CIPC: variants seen among roughly 807,000 people sequenced by gnomAD.
CIPC encodes the protein CLOCK-interacting pacemaker.
In CIPC, 12 loss-of-function variants were observed where a neutral mutation model predicts 26.7. The ratio of observed to expected loss-of-function variants is 0.45; its 90% CI spans 0.29 to 0.73. CIPC has a LOEUF of 0.73. CIPC is among the 30% of genes least tolerant of loss of function. The pLI, the probability that CIPC is intolerant of heterozygous loss-of-function variation, is 0.12. For missense variants in CIPC, 417 were observed against 486.5 expected (o/e 0.86, Z 1.34); for synonymous variants, 170 against 189.8 (o/e 0.90, Z 0.86).
chr14:77,113,518 G>C lies in CIPC; in HGVS notation c.400G>C (p.Val134Leu). Reference protein sequence around the residue: ...QPQLLFLHPPVPSPVSPCHTG... With the variant: ...QPQLLFLHPPLPSPVSPCHTG... Reference sequence around the variant, plus strand: ...ACAGCTCTTATTCCTTCATCCACCTGTACCATCTCCTGTCAGTCCATGTCA... The same window carrying C: ...ACAGCTCTTATTCCTTCATCCACCTCTACCATCTCCTGTCAGTCCATGTCA... Residue 134 changes from valine to leucine, a missense_variant, in exon 4 of 4, where the codon GTA (valine) becomes CTA (leucine). Physicochemically the swap from Val to Leu is conservative, Grantham distance 32 (BLOSUM62 1). Coordinates refer to ENST00000361786, the MANE Select transcript of CIPC (RefSeq NM_033426.3). The C allele has an allele frequency of 6.2e-7, 1 of 1,614,070 alleles. No homozygotes were observed. Among genetic ancestry groups the C allele is most frequent in the Non-Finnish European group, 8.5e-7 (1 of 1,179,998 alleles).
chr14:77,101,189 C>T (rs1886477293), intron 1 of CIPC, among the ~76,000 whole-genome samples: 1 of 152,104 alleles, frequency 6.6e-6, no homozygotes, highest in Admixed American at 6.6e-5. Flanking sequence ...AAGCAACTTC[C>T]CGAGGTTTTC....
At chr14:77,106,730 A>G (rs1220367732) in intron 2 of CIPC, among the ~76,000 whole-genome samples, 1 of 152,098 alleles carries the variant, frequency 6.6e-6, no homozygotes, top group African/African-American at 2.4e-5. Flanking sequence ...GAAAACTAGA[A>G]CTCTCTTGTC....
At chr14:77,107,658 A>ACACACACACACT (rs1287077545) in intron 2 of CIPC, among the ~76,000 whole-genome samples, 2 of 145,156 alleles carry the variant, frequency 1.4e-5, no homozygotes, top group African/African-American at 5.4e-5. Flanking sequence ...ACACACACAC[A>ACACACACACACT]CTCTCTCTCT....
At position 77,117,231 on chromosome 14, in the gene CIPC, T is replaced by C. The variant is rs1051062168; in HGVS notation, c.*2913T>C. The stretch of plus-strand genomic sequence containing the variant: ...ATTCTTTTGAGAAAGTATGAAGTTT[T>C]GCAGAAATTGACTGTGAAATGTCAG... On this transcript the variant is annotated 3_prime_UTR_variant, in exon 4 of 4. Coordinates refer to ENST00000361786, the MANE Select transcript of CIPC (RefSeq NM_033426.3). 1 of 152,620 alleles carries C rather than the reference T, an allele frequency of 6.6e-6. No homozygotes were observed. Among genetic ancestry groups the C allele is most frequent in the African/African-American group, 2.4e-5 (1 of 41,410 alleles). The allele number at this position is 152,620 out of a possible 1,614,324, so 9.5% of individuals were successfully genotyped here. A position where few individuals can be genotyped will look rare whatever the true frequency, so the allele number is the denominator to read the frequency against.
chr14:77,105,918 T>C, intron 2 of CIPC, 74 bp downstream of exon 2: 1 of 1,559,752 alleles, frequency 6.4e-7, no homozygotes, highest in Non-Finnish European at 8.8e-7. Context: ...CCAAAACTCA[T>C]TTATGTGATA....
chr14:77,116,695 A>G lies in CIPC; in HGVS notation c.*2377A>G, dbSNP rs1292514439. On this transcript the variant is annotated 3_prime_UTR_variant, in exon 4 of 4. Transcript: ENST00000361786. ...GTCTCTCCAGGCTATTACCATGGGC[A>G]TTTGTTCTCTGTTGGAGCTGTAAGC... 6.6e-6 allele frequency: 1 copy of G among 152,216 alleles called. No homozygotes were observed. The highest frequency in any genetic ancestry group is 1.9e-4 in the East Asian group (1 of 5,198). 9.4% of individuals were successfully genotyped at this position (152,216 alleles called of 1,614,324 possible).
At chr14:77,111,472 G>T (rs1210964684) in intron 3 of CIPC, among the ~76,000 whole-genome samples, 4 of 152,172 alleles carry the variant, frequency 2.6e-5, no homozygotes, top group African/African-American at 9.7e-5. Context: ...TTAAAACTCT[G>T]CATGTTGTGT....
intron 1 of CIPC, 102 bp downstream of exon 1, chr14:77,098,463 G>A (rs1027848271): frequency 7.8e-5 from 12 of 153,842 alleles, no homozygotes; most frequent in African/African-American, 2.9e-4. Flanking sequence ...GTAGGGGAGA[G>A]AGGAAGAGGA....
chr14:77,108,088 T>C (rs780185214), intron 2 of CIPC, among the ~76,000 whole-genome samples: 1 of 152,188 alleles, frequency 6.6e-6, no homozygotes, highest in Non-Finnish European at 1.5e-5. Context: ...GTGTCCCCAT[T>C]ATTAGGGTCA....
In CIPC at chr14:77,113,406, T is replaced by C. The variant is rs1164730256; in HGVS notation, c.307-19T>C. On this transcript the variant is annotated intron_variant, in intron 3 of 3. Coordinates refer to ENST00000361786, the MANE Select transcript of CIPC (RefSeq NM_033426.3). ...TCAGCAGTAATGAGTAGTGTGCTGCTCTCCTCCTTTGTCTTCAGGGCAGCA... is the reference window on the plus strand; with the variant it reads ...TCAGCAGTAATGAGTAGTGTGCTGCCCTCCTCCTTTGTCTTCAGGGCAGCA... 6.2e-7 allele frequency: 1 copy of C among 1,613,648 alleles called. No individual in the cohort carries two copies. The highest frequency in any genetic ancestry group is 1.1e-5 in the South Asian group (1 of 91,084).
Position 77,113,450 on chromosome 14 carries a change from C to A in CIPC, c.332C>A (p.Ser111Ter). 6.2e-7 allele frequency: 1 copy of A among 1,614,132 alleles called. No homozygotes were observed. The highest frequency in any genetic ancestry group is 1.1e-5 in the South Asian group (1 of 91,058). Residue 111 changes from serine (S) to a stop codon, truncating the protein, a stop_gained, in exon 4 of 4, where the codon TCG becomes TAG. Coordinates refer to ENST00000361786, the MANE Select transcript of CIPC (RefSeq NM_033426.3). LOFTEE classifies it high-confidence loss of function. ...GGCAGCAGCTCATCCCAGCTCCAGT[C>A]GTGGACTGTCCAGCCCTCCTTTGAA... ...KQGSSSSQLQ[S>*]WTVQPSFEVI...
rs762547300 is a variant in CIPC at position 77,114,551 on chromosome 14, C to T, written c.*233C>T. 8.1e-6 allele frequency: 4 copies of T among 495,836 alleles called. No individual in the cohort carries two copies. The highest frequency in any genetic ancestry group is 1.4e-5 in the Non-Finnish European group (4 of 278,746). The allele number at this position is 495,836 out of a possible 1,614,324, so 30.7% of individuals were successfully genotyped here. On this transcript the variant is annotated 3_prime_UTR_variant, in exon 4 of 4. Transcript: ENST00000361786. ...CCTCAGTTTGGGAGTGCCCTTGAGCCCCTTTTCCTTAGCCTGCAGGTGCTT... is the reference window on the plus strand; with the variant it reads ...CCTCAGTTTGGGAGTGCCCTTGAGCTCCTTTTCCTTAGCCTGCAGGTGCTT...
chr14:77,112,079 A>G (rs1432696698), intron 3 of CIPC, among the ~76,000 whole-genome samples: 2 of 152,238 alleles, frequency 1.3e-5, no homozygotes, highest in Non-Finnish European at 2.9e-5. Flanking sequence ...CTTGCATCCA[A>G]GAAACTGAAA....
In CIPC at chr14:77,117,155, G is replaced by A. The variant is rs1352628498; in HGVS notation, c.*2837G>A. ...GTAACTTTTGTGCATATATTGAAGT[G>A]GTTTTTCAGCTATGAATTCTTTAGG... On this transcript the variant is annotated 3_prime_UTR_variant, in exon 4 of 4. Coordinates refer to ENST00000361786, the MANE Select transcript of CIPC (RefSeq NM_033426.3). The A allele has an allele frequency of 3.3e-5, 5 of 152,594 alleles. No individual in the cohort carries two copies. The highest frequency in any genetic ancestry group is 4.8e-5 in the African/African-American group (2 of 41,432). 9.5% of individuals were successfully genotyped at this position (152,594 alleles called of 1,614,324 possible).
intron 2 of CIPC, among the ~76,000 whole-genome samples, chr14:77,109,330 A>G (rs1005744691): frequency 6.6e-6 from 1 of 152,186 alleles, no homozygotes; most frequent in Admixed American, 6.5e-5. Context: ...CTTAAGCTGG[A>G]GAAAATGCAA....
intron 1 of CIPC, chr14:77,099,036 G>C (rs1188067580): frequency 6.6e-6 from 1 of 152,650 alleles, no homozygotes; most frequent in Non-Finnish European, 1.5e-5. Flanking sequence ...CTCAAGTCCT[G>C]GCAGTATGCA....
intron 1 of CIPC, chr14:77,100,050 A>T (rs571214209): frequency 4.0e-5 from 6 of 151,628 alleles, no homozygotes; most frequent in Non-Finnish European, 8.8e-5. Flanking sequence ...TGAATGCCTC[A>T]TGTTAATTGT....
Position 77,109,853 on chromosome 14 carries a change from T to A in CIPC, c.178T>A (p.Ser60Thr), listed in dbSNP as rs1886659743. Residue 60 changes from serine to threonine, a missense_variant, in exon 3 of 4, where the codon TCC (serine) becomes ACC (threonine). By Grantham distance (58) the Ser-to-Thr change is moderately conservative. Transcript: ENST00000361786. ...TCTGAGCTCTGCAGAGCAGATGGAGTCCGAGGACATGCTGAGCGCCTTAGG... is the reference window on the plus strand; with the variant it reads ...TCTGAGCTCTGCAGAGCAGATGGAGACCGAGGACATGCTGAGCGCCTTAGG... ...ECLSSAEQME[S>T]EDMLSALGWS... The A allele has an allele frequency of 6.2e-7, 1 of 1,613,846 alleles. No homozygotes were observed. The highest frequency in any genetic ancestry group is 1.3e-5 in the African/African-American group (1 of 74,810).
chr14:77,107,652 A>ACTCTCT lies in CIPC; in HGVS notation c.136+1809_136+1810insTCTCTC, dbSNP rs750719193. Among the ~76,000 whole-genome samples the ACTCTCT allele has an allele frequency of 1.1e-3, 128 of 116,186 alleles. 1 individual carries two copies. Among genetic ancestry groups the ACTCTCT allele is most frequent in the South Asian group, 4.0e-3 (15 of 3,766 alleles). 76.2% of individuals were successfully genotyped at this position (116,186 alleles called of 152,430 possible). A position where few individuals can be genotyped will look rare whatever the true frequency, so the allele number is the denominator to read the frequency against. ...TACACACACACACACACACACACAC[A>ACTCTCT]CACACACTCTCTCTCTGAATTATTT... On this transcript the variant is annotated intron_variant, in intron 2 of 3. Coordinates refer to ENST00000361786, the MANE Select transcript of CIPC (RefSeq NM_033426.3).
Sources: allele counts gnomAD v4.1 joint callset (sites outside exome capture counted in the v4.1 genomes callset), GRCh38; gene constraint gnomAD v4.1.1; transcripts MANE v1.5; gene names NCBI Gene and HGNC (gene_info 2026-07-23, HGNC 2026-07-21).